The following PTPRD variants were observed in gnomAD, a reference collection of about 807,000 sequenced individuals.
The protein encoded by PTPRD is protein tyrosine phosphatase receptor type D.
A neutral mutation model predicts 214.5 loss-of-function variants in PTPRD; 34 were observed. The ratio of observed to expected loss-of-function variants is 0.16; its 90% confidence interval spans 0.12 to 0.21. The LOEUF (loss-of-function observed/expected upper bound fraction) is 0.21, where lower values mean the gene tolerates loss of function less well. PTPRD is among the 10% of genes least tolerant of loss of function. The probability of loss-of-function intolerance (pLI) is 1.00; values close to 1 mark genes in which losing one functional copy is unlikely to be tolerated. For missense variants in PTPRD, 2,545 were observed against 2,398.7 expected (o/e 1.06, Z -1.27); for synonymous variants, 1,128 against 845.7 (o/e 1.33, Z -5.79).
At chr9:10,271,632 T>A (rs2094432398) in intron 3 of PTPRD, among the ~76,000 whole-genome samples, 1 of 146,252 alleles carries the variant, frequency 6.8e-6, no homozygotes, top group Non-Finnish European at 1.5e-5. Context: ...AACCTCCGCC[T>A]CCCAGGTTCA....
chr9:9,024,267 A>T (rs983077319), intron 10 of PTPRD, among the ~76,000 whole-genome samples: 1 of 149,936 alleles, frequency 6.7e-6, no homozygotes, highest in African/African-American at 2.5e-5. Flanking sequence ...GTGCATAGTT[A>T]TTTTAAATTT....
intron 30 of PTPRD, among the ~76,000 whole-genome samples, chr9:8,472,087 G>A (rs573962419): frequency 6.6e-6 from 1 of 152,066 alleles, no homozygotes; most frequent in Non-Finnish European, 1.5e-5. Context: ...CTGGTCACAG[G>A]CAAAAAGACA....
rs141474634 is a variant in PTPRD at position 10,116,298 on chromosome 9, A to G, written c.-544-82508T>C. 4.3e-3 allele frequency among the ~76,000 whole-genome samples: 653 copies of G among 152,242 alleles called. 4 individuals are homozygous for G. The highest frequency in any genetic ancestry group is 7.9e-3 in the Non-Finnish European group (536 of 67,986). On this transcript the variant is annotated intron_variant, in intron 3 of 45. Transcript: ENST00000381196. ...GTGTTTATGCTTCTATTGCTGACTA[A>G]GTACAATACTAATATAGACAAATGG...
intron 11 of PTPRD, among the ~76,000 whole-genome samples, chr9:8,889,661 G>A (rs946690344): frequency 1.7e-5 from 2 of 117,346 alleles, no homozygotes; most frequent in Non-Finnish European, 3.3e-5. Context: ...TCATTCTTAT[G>A]CCTTTGCATA....
At chr9:9,116,837 G>T (rs2099812808) in intron 10 of PTPRD, among the ~76,000 whole-genome samples, 1 of 151,958 alleles carries the variant, frequency 6.6e-6, no homozygotes, top group Admixed American at 6.6e-5. Flanking sequence ...CATTCCTAGT[G>T]CTTGCCACAG....
chr9:9,916,527 A>G (rs78531437), intron 5 of PTPRD, among the ~76,000 whole-genome samples: 2 of 151,580 alleles, frequency 1.3e-5, no homozygotes. Context: ...CTCTCTCTAT[A>G]TATATATATA....
At chr9:10,372,248 A>G (rs1336211818) in intron 2 of PTPRD, among the ~76,000 whole-genome samples, 3 of 152,156 alleles carry the variant, frequency 2.0e-5, no homozygotes, top group Admixed American at 6.6e-5. Flanking sequence ...TATACTTAGT[A>G]GTAATATGAA....
chr9:9,030,033 T>C (rs957520853), intron 10 of PTPRD, among the ~76,000 whole-genome samples: 4 of 151,738 alleles, frequency 2.6e-5, no homozygotes, highest in African/African-American at 7.3e-5. Flanking sequence ...TCTACAAAGA[T>C]AAATTGATCA....
intron 3 of PTPRD, among the ~76,000 whole-genome samples, chr9:10,102,429 T>C (rs2098560606): frequency 6.6e-6 from 1 of 151,528 alleles, no homozygotes; most frequent in Non-Finnish European, 1.5e-5. Flanking sequence ...CTAAACTTAT[T>C]ATTAATTTTA....
intron 35 of PTPRD, 115 bp from the exon 36 acceptor site, chr9:8,404,775 C>T (rs1443778045): frequency 2.3e-6 from 3 of 1,279,164 alleles, no homozygotes; most frequent in East Asian, 5.1e-5. Flanking sequence ...AGCCATACTT[C>T]ATCAAGATGA....
chr9:9,916,987 G>A lies in PTPRD; in HGVS notation c.-368+21520C>T, dbSNP rs544513890. 1.3e-4 allele frequency among the ~76,000 whole-genome samples: 19 copies of A among 151,500 alleles called. No individual in the cohort carries two copies. The South Asian group carries it at 2.9e-3, about 23-fold the overall frequency. ...ATGGGTGTAGGAAAAAGTTAAGAAT[G>A]AAATTTAAAAATCTCTTGAAACAAA... On this transcript the variant is annotated intron_variant, in intron 5 of 45. Transcript: ENST00000381196.
rs151087243 is a variant in PTPRD, at chr9:8,552,123, C to G, written c.353-23344G>C. 2.1e-3 allele frequency among the ~76,000 whole-genome samples: 315 copies of G among 152,240 alleles called. 4 individuals carry two copies. The highest frequency in any genetic ancestry group is 6.8e-3 in the African/African-American group (284 of 41,550). ...CCTTGCTTTTTTCAGGCGATGGTCA[C>G]AGGCACCTCCTTGCACGGTTTCTAA... On this transcript the variant is annotated intron_variant, in intron 14 of 45. Transcript: ENST00000381196.
At chr9:9,955,853 C>T (rs1226164186) in intron 4 of PTPRD, among the ~76,000 whole-genome samples, 1 of 152,074 alleles carries the variant, frequency 6.6e-6, no homozygotes, top group Non-Finnish European at 1.5e-5. Context: ...AATCATACTG[C>T]TTTCAAATAA....
At chr9:9,672,165 T>C (rs927717606) in intron 7 of PTPRD, among the ~76,000 whole-genome samples, 5 of 152,136 alleles carry the variant, frequency 3.3e-5, no homozygotes, top group Admixed American at 2.0e-4. Flanking sequence ...TTTTTCACTA[T>C]GTAAAGAAAA....
intron 9 of PTPRD, among the ~76,000 whole-genome samples, chr9:9,220,196 T>A (rs2099954906): frequency 6.6e-6 from 1 of 152,058 alleles, no homozygotes; most frequent in African/African-American, 2.4e-5. Context: ...TTTTAGAGTA[T>A]TATAATAAAT....
intron 12 of PTPRD, among the ~76,000 whole-genome samples, chr9:8,690,328 C>G (rs529259777): frequency 2.0e-5 from 3 of 151,758 alleles, no homozygotes; most frequent in African/African-American, 7.3e-5. Flanking sequence ...GACATGGAGA[C>G]CATCCTGGAT....
In PTPRD at chr9:9,376,069, G is replaced by A. The variant is rs952839014; in HGVS notation, c.-203+21380C>T. Reference sequence around the variant, plus strand: ...ATAAAGCGCAAGAAAATGAGAACTTGCTCATCATTATTATTTAGTAGATCT... The same window carrying A: ...ATAAAGCGCAAGAAAATGAGAACTTACTCATCATTATTATTTAGTAGATCT... On this transcript the variant is annotated intron_variant, in intron 9 of 45. Coordinates refer to ENST00000381196, the MANE Select transcript of PTPRD (RefSeq NM_002839.4). 8.6e-5 allele frequency among the ~76,000 whole-genome samples: 13 copies of A among 151,738 alleles called. 1 individual carries two copies. Among genetic ancestry groups the A allele is most frequent in the Admixed American group, 8.5e-4 (13 of 15,206 alleles).
intron 7 of PTPRD, among the ~76,000 whole-genome samples, chr9:9,598,785 TG>T (rs965966141): frequency 1.1e-4 from 16 of 152,022 alleles, no homozygotes; most frequent in Non-Finnish European, 1.5e-4. Flanking sequence ...TCTATCACAG[TG>T]GCTTATAAGA....
At chr9:10,100,786 C>T (rs72694852) in intron 3 of PTPRD, among the ~76,000 whole-genome samples, 7,963 of 151,500 alleles carry the variant, frequency 0.053, 267 homozygotes, top group Admixed American at 0.1. Context: ...ACCTATTGAT[C>T]CTATAAGCTG....
Sources: allele counts gnomAD v4.1 joint callset (sites outside exome capture counted in the v4.1 genomes callset), GRCh38; gene constraint gnomAD v4.1.1; transcripts MANE v1.5; gene names NCBI Gene and HGNC (gene_info 2026-07-23, HGNC 2026-07-21).